The following SUMF1 variants were observed in gnomAD, a reference collection of about 807,000 sequenced individuals.
SUMF1 encodes sulfatase modifying factor 1.
SUMF1 carries 48 observed loss-of-function variants against 47.6 expected under a neutral mutation model. The observed-to-expected ratio is 1.01, with a 90% CI of 0.80 to 1.28. The LOEUF (loss-of-function observed/expected upper bound fraction) is 1.28, where lower values mean the gene tolerates loss of function less well. SUMF1 is among the 50% of genes most tolerant of loss of function. The probability of loss-of-function intolerance (pLI) is 0.00; values close to 1 mark genes in which losing one functional copy is unlikely to be tolerated. For missense variants in SUMF1, 571 were observed against 485.4 expected, an observed-to-expected ratio of 1.18 and a Z score of -1.66; for synonymous variants, 230 against 192.1, an observed-to-expected ratio of 1.20 and a Z score of -1.63.
chr3:4,122,259 T>A (rs1693562286), intron 8 of SUMF1, among the ~76,000 whole-genome samples: 2 of 152,146 alleles, frequency 1.3e-5, no homozygotes, highest in African/African-American at 4.8e-5. Context: ...TAACAGAATA[T>A]TATTTCAGCA....
At chr3:4,180,856 A>C (rs2125133523) in intron 8 of SUMF1, among the ~76,000 whole-genome samples, 1 of 152,140 alleles carries the variant, frequency 6.6e-6, no homozygotes, top group Non-Finnish European at 1.5e-5. Context: ...CTGTCTCAAC[A>C]AAAAAATAAA....
chr3:4,311,626 C>A (rs970657948), intron 8 of SUMF1, among the ~76,000 whole-genome samples: 3 of 152,184 alleles, frequency 2.0e-5, no homozygotes, highest in Non-Finnish European at 2.9e-5. Context: ...AGCTATGTAT[C>A]TAATCATATA....
At chr3:4,463,427 T>C (rs2079863730) in intron 1 of SUMF1, among the ~76,000 whole-genome samples, 1 of 152,034 alleles carries the variant, frequency 6.6e-6, no homozygotes, top group African/African-American at 2.4e-5. Context: ...TAGGCAGAGG[T>C]TGCAATGAGC....
intron 9 of SUMF1, among the ~76,000 whole-genome samples, chr3:4,056,037 C>G (rs1468565631): frequency 6.6e-6 from 1 of 152,070 alleles, no homozygotes; most frequent in Non-Finnish European, 1.5e-5. Context: ...TTTTAAAGAC[C>G]CTTGTGATTA....
At chr3:4,317,595 C>T (rs753670855) in intron 8 of SUMF1, 13 of 161,594 alleles carry the variant, frequency 8.0e-5, no homozygotes, top group Non-Finnish European at 1.6e-4. Flanking sequence ...AACGATCACA[C>T]TTGAAGAACA....
chr3:4,326,524 T>TTTTTTTTTTTTG (rs1332646034), intron 8 of SUMF1, among the ~76,000 whole-genome samples: 3 of 146,834 alleles, frequency 2.0e-5, no homozygotes, highest in South Asian at 4.3e-4. Flanking sequence ...TTCCAAGGGT[T>TTTTTTTTTTTTG]TTTTTTTTTT....
chr3:4,342,254 C>A (rs990720982), intron 8 of SUMF1, among the ~76,000 whole-genome samples: 2 of 152,168 alleles, frequency 1.3e-5, no homozygotes, highest in African/African-American at 2.4e-5. Context: ...AAAAGTTGGC[C>A]AGGCGCAGTG....
chr3:4,168,885 A>T (rs910180521), intron 8 of SUMF1, among the ~76,000 whole-genome samples: 2 of 152,164 alleles, frequency 1.3e-5, no homozygotes, highest in African/African-American at 4.8e-5. Flanking sequence ...TTTCCATCTA[A>T]ACTCTGGACA....
intron 8 of SUMF1, among the ~76,000 whole-genome samples, chr3:4,369,962 G>A (rs572457856): frequency 4.0e-4 from 61 of 152,246 alleles, no homozygotes; most frequent in Non-Finnish European, 4.9e-4. Flanking sequence ...TAGGTATGAC[G>A]GATACAATCA....
chr3:4,171,527 TA>T (rs1350143270), intron 8 of SUMF1, among the ~76,000 whole-genome samples: 1 of 152,196 alleles, frequency 6.6e-6, no homozygotes, highest in Non-Finnish European at 1.5e-5. Flanking sequence ...AATAAATTAA[TA>T]TTTTTTATTG....
intron 9 of SUMF1, among the ~76,000 whole-genome samples, chr3:4,048,180 A>G (rs770586857): frequency 1.3e-5 from 2 of 152,110 alleles, no homozygotes; most frequent in African/African-American, 4.8e-5. Context: ...TCTGGGCTCA[A>G]ATGCTACTTT....
intron 3 of SUMF1, among the ~76,000 whole-genome samples, chr3:4,426,021 T>C (rs1385591179): frequency 6.6e-6 from 1 of 152,104 alleles, no homozygotes; most frequent in South Asian, 2.1e-4. Flanking sequence ...AGCCCCATGA[T>C]TCAATCACCT....
At chr3:4,427,115 T>A (rs1039105220) in intron 3 of SUMF1, among the ~76,000 whole-genome samples, 2 of 152,210 alleles carry the variant, frequency 1.3e-5, no homozygotes, top group Non-Finnish European at 2.9e-5. Context: ...ATGCTTCTTA[T>A]ACACACACAG....
intron 8 of SUMF1, among the ~76,000 whole-genome samples, chr3:4,164,585 T>C (rs910231587): frequency 1.3e-5 from 2 of 152,200 alleles, no homozygotes; most frequent in African/African-American, 4.8e-5. Flanking sequence ...ACCAGGTTAT[T>C]GGCCTGCTCC....
At chr3:4,229,258 C>T (rs549512723) in intron 8 of SUMF1, 1 of 324,790 alleles carries the variant, frequency 3.1e-6, no homozygotes, top group Non-Finnish European at 6.0e-6. Context: ...ACTGCCCACC[C>T]GGACAATCAT....
chr3:4,123,438 A>C (rs996938395), intron 8 of SUMF1, among the ~76,000 whole-genome samples: 1 of 152,162 alleles, frequency 6.6e-6, no homozygotes, highest in Admixed American at 6.5e-5. Context: ...ATGTTTGTTT[A>C]GTTTGGTTTT....
At chr3:4,203,601 A>G (rs1042609803) in intron 8 of SUMF1, among the ~76,000 whole-genome samples, 19 of 151,996 alleles carry the variant, frequency 1.3e-4, no homozygotes, top group Admixed American at 1.3e-4. Flanking sequence ...TACTATTGAT[A>G]AGTAAGGACT....
rs1182216597 is a variant in SUMF1 at position 4,212,658 on chromosome 3, C to T, written c.1015-143913G>A. 2.0e-5 allele frequency among the ~76,000 whole-genome samples: 3 copies of T among 151,936 alleles called. No individual in the cohort carries two copies. The South Asian group carries it at 6.2e-4, about 32-fold the overall frequency. On this transcript the variant is annotated intron_variant and NMD_transcript_variant, in intron 8 of 12. Transcript: ENST00000448413. ...TAACTCAATGCAAGAAAGCTAAGAA[C>T]ATTGAAAAAAGGTTACACGAATTGT...
At chr3:4,338,513 G>T (rs308727) in intron 8 of SUMF1, among the ~76,000 whole-genome samples, 2 of 152,044 alleles carry the variant, frequency 1.3e-5, no homozygotes, top group Non-Finnish European at 2.9e-5. Flanking sequence ...CGTTTGTCAA[G>T]AATCTAGTAC....
Sources: allele counts gnomAD v4.1 joint callset (sites outside exome capture counted in the v4.1 genomes callset), GRCh38; gene constraint gnomAD v4.1.1; transcripts MANE v1.5; gene names NCBI Gene and HGNC (gene_info 2026-07-23, HGNC 2026-07-21).